MKRN2OS: variants seen among roughly 807,000 people sequenced by gnomAD.
MKRN2OS encodes the protein MKRN2 opposite strand protein.
Under a neutral mutation model 18.2 loss-of-function variants are expected in MKRN2OS, and 17 were observed. The ratio of observed to expected loss-of-function variants is 0.93; its 90% CI spans 0.64 to 1.40. MKRN2OS has a LOEUF of 1.40. MKRN2OS is among the 40% of genes most tolerant of loss of function. MKRN2OS has a pLI of 0.00. For missense variants in MKRN2OS, 337 were observed against 283.0 expected, an observed-to-expected ratio of 1.19 and a Z score of -1.37; for synonymous variants, 121 against 108.5, an observed-to-expected ratio of 1.12 and a Z score of -0.72.
At chr3:12,550,453 G>A (rs1306477738), upstream of MKRN2OS, among the ~76,000 whole-genome samples, 1 of 152,176 alleles carries the variant, frequency 6.6e-6, no homozygotes, top group Non-Finnish European at 1.5e-5. Context: ...AGAGTACAGA[G>A]AATTTTTAGG....
At chr3:12,551,988 A>G (rs1034654266), downstream of MKRN2OS, among the ~76,000 whole-genome samples, 26 of 152,158 alleles carry the variant, frequency 1.7e-4, no homozygotes, top group African/African-American at 5.3e-4. Context: ...ATCCAGCTAT[A>G]TTACATTTAG....
Position 12,540,356 on chromosome 3 carries a change from T to C in MKRN2OS, c.509A>G (p.Gln170Arg). Residue 170 changes from glutamine to arginine, a missense_variant, in exon 4 of 4, where the codon CAG becomes CGG. Gln to Arg is a conservative substitution (Grantham distance 43). Transcript: ENST00000564146. ...CGTAAATTCACCCTTGTCCAGTTGCTGTCTACCTTCTGCCATCAGAACGCA... is the reference window on the plus strand; with the variant it reads ...CGTAAATTCACCCTTGTCCAGTTGCCGTCTACCTTCTGCCATCAGAACGCA... ...INCVLMAEGR[Q>R]QLDKGEFTEK... The C allele has an allele frequency of 6.5e-7, 1 of 1,536,134 alleles. No individual in the cohort carries two copies. The highest frequency in any genetic ancestry group is 8.7e-7 in the Non-Finnish European group (1 of 1,146,910).
chr3:12,540,580 A>G (rs1276247808), intron 3 of MKRN2OS, 147 bp from the exon 4 acceptor site: 7 of 942,816 alleles, frequency 7.4e-6, no homozygotes, highest in Non-Finnish European at 1.1e-5. Context: ...AAGCTTCAAG[A>G]TGTGCACTTC....
chr3:12,557,215 C>G (rs758291130), intron 1 of MKRN2OS: 14 of 1,529,500 alleles, frequency 9.2e-6, no homozygotes, highest in South Asian at 2.4e-5. Context: ...GCCGCTCCCC[C>G]AGGCCGCAGG....
chr3:12,555,729 T>C (rs773951798), intron 1 of MKRN2OS, among the ~76,000 whole-genome samples: 2 of 152,224 alleles, frequency 1.3e-5, no homozygotes, highest in Non-Finnish European at 2.9e-5. Flanking sequence ...GAAGCCCTTC[T>C]GGGGTGTCGA....
At chr3:12,552,940 C>T (rs1047339432), downstream of MKRN2OS, among the ~76,000 whole-genome samples, 1 of 148,576 alleles carries the variant, frequency 6.7e-6, no homozygotes, top group African/African-American at 2.5e-5. Flanking sequence ...GGGCTGAAAC[C>T]AGGAGGTGGA....
chr3:12,544,669 A>C (rs962681886), intron 1 of MKRN2OS, among the ~76,000 whole-genome samples: 1 of 136,102 alleles, frequency 7.3e-6, no homozygotes, highest in Non-Finnish European at 1.5e-5. Flanking sequence ...ACAAGAGCGA[A>C]ACTCTGTCTC....
intron 1 of MKRN2OS, among the ~76,000 whole-genome samples, chr3:12,543,831 G>A (rs1172594378): frequency 1.3e-5 from 2 of 151,372 alleles, no homozygotes; most frequent in African/African-American, 4.9e-5. Flanking sequence ...GGCGGAGGTG[G>A]CAGTGAGCCG....
In MKRN2OS at chr3:12,541,996, C is replaced by T; in HGVS notation, c.295G>A (p.Gly99Ser). ...CACCCTTCTCCGTCTCGCTGGACAC[C>T]ATGTGCACTGTAATTATACACAACC... ...NGVVYNYSAH[G>S]VQRDGEGWEE... The change falls in exon 3 of 4, where the codon GGT (glycine) becomes AGT (serine). Residue 99 changes from glycine (G) to serine (S), a missense_variant. Transcript: ENST00000564146. The T allele has an allele frequency of 6.5e-7, 1 of 1,535,896 alleles. No homozygotes were observed. Among genetic ancestry groups the T allele is most frequent in the Non-Finnish European group, 8.7e-7 (1 of 1,146,810 alleles).
intron 1 of MKRN2OS, among the ~76,000 whole-genome samples, chr3:12,543,840 C>T (rs150081417): frequency 2.0e-5 from 3 of 150,750 alleles, no homozygotes; most frequent in Admixed American, 6.6e-5. Flanking sequence ...GGCAGTGAGC[C>T]GAGATTGCAC....
At chr3:12,541,294 G>A (rs1020760350) in intron 3 of MKRN2OS, among the ~76,000 whole-genome samples, 2 of 152,154 alleles carry the variant, frequency 1.3e-5, no homozygotes, top group East Asian at 3.9e-4. Flanking sequence ...TGTGATTTCA[G>A]CTCACTGCAA....
At chr3:12,560,494 A>G (rs75823372) in intron 1 of MKRN2OS, among the ~76,000 whole-genome samples, 1 of 151,938 alleles carries the variant, frequency 6.6e-6, no homozygotes, top group African/African-American at 2.4e-5. Context: ...AAAAAAAAAA[A>G]AAAGACACTG....
chr3:12,557,100 C>G, intron 1 of MKRN2OS: 1 of 1,481,824 alleles, frequency 6.7e-7, no homozygotes, highest in Non-Finnish European at 8.9e-7. Flanking sequence ...GCCGAGGCGG[C>G]AGCGGCTGCG....
At position 12,545,398 on chromosome 3, in the gene MKRN2OS, A is replaced by C; in HGVS notation, c.67T>G (p.Phe23Val). Residue 23 changes from phenylalanine (F) to valine (V), a missense_variant, in exon 1 of 4, where the codon TTC becomes GTC. Transcript: ENST00000564146. Reference sequence around the variant, plus strand: ...AGAGGGCAGCACTGGGGCACACTGAAGCTGTAGATGTATTTCTCACAGTGG... The same window carrying C: ...AGAGGGCAGCACTGGGGCACACTGACGCTGTAGATGTATTTCTCACAGTGG... ...FNHCEKYIYSFSVPQCCPLCQ... is the reference protein window; with the variant it reads ...FNHCEKYIYSVSVPQCCPLCQ... 1 of 1,535,848 alleles carries C rather than the reference A, an allele frequency of 6.5e-7. No homozygotes were observed. The highest frequency in any genetic ancestry group is 1.2e-5 in the South Asian group (1 of 84,020).
upstream of MKRN2OS, among the ~76,000 whole-genome samples, chr3:12,548,219 C>T (rs1030293505): frequency 3.3e-5 from 5 of 152,040 alleles, no homozygotes; most frequent in Non-Finnish European, 5.9e-5. Flanking sequence ...GAGGCCGAGG[C>T]GGGTGGATCA....
chr3:12,560,429 AAGG>A (rs1418366925), intron 1 of MKRN2OS, among the ~76,000 whole-genome samples: 1 of 150,780 alleles, frequency 6.6e-6, no homozygotes, highest in Non-Finnish European at 1.5e-5. Context: ...CTGCTGTCAC[AAGG>A]AGTATAGCCG....
At chr3:12,543,892 CA>C (rs10539183) in intron 1 of MKRN2OS, among the ~76,000 whole-genome samples, 3,151 of 127,084 alleles carry the variant, frequency 0.025, 66 homozygotes, top group African/African-American at 0.063. Flanking sequence ...ACCCTGGTCT[CA>C]AAAAAAAAAA....
chr3:12,541,402 A>T (rs1452204937), intron 3 of MKRN2OS, among the ~76,000 whole-genome samples: 3 of 152,120 alleles, frequency 2.0e-5, no homozygotes, highest in Non-Finnish European at 4.4e-5. Flanking sequence ...TATTTTTAAT[A>T]GAGACGGGGT....
chr3:12,551,450 G>T (rs1301331650), downstream of MKRN2OS, among the ~76,000 whole-genome samples: 1 of 151,294 alleles, frequency 6.6e-6, no homozygotes, highest in African/African-American at 2.4e-5. Flanking sequence ...AGCCAAGATT[G>T]TGCCTCTGCA....
Sources: allele counts gnomAD v4.1 joint callset (sites outside exome capture counted in the v4.1 genomes callset), GRCh38; gene constraint gnomAD v4.1.1; transcripts MANE v1.5; gene names NCBI Gene and HGNC (gene_info 2026-07-23, HGNC 2026-07-21).